The following PRKCH variants were observed in gnomAD, a reference collection of about 807,000 sequenced individuals.
PRKCH encodes the protein protein kinase C eta, also known as protein kinase C eta type.
PRKCH carries 28 observed loss-of-function variants against 82.5 expected under a neutral mutation model. That is an observed-to-expected ratio of 0.34 (90% CI 0.25 to 0.47). PRKCH has a LOEUF of 0.47. Among genes scored for constraint, PRKCH ranks in the 20% least tolerant of loss-of-function variants. PRKCH has a pLI of 1.00. For missense variants in PRKCH, 705 were observed against 881.8 expected, an observed-to-expected ratio of 0.80 and a Z score of 2.54; for synonymous variants, 322 against 327.4, an observed-to-expected ratio of 0.98 and a Z score of 0.18.
intron 1 of PRKCH, among the ~76,000 whole-genome samples, chr14:61,218,051 G>A (rs1008354971): frequency 1.3e-5 from 2 of 152,050 alleles, no homozygotes; most frequent in African/African-American, 2.4e-5. Flanking sequence ...GACCCGGCGC[G>A]TTTCGTTCCC....
chr14:61,425,826 G>A (rs1357144298), intron 2 of PRKCH, among the ~76,000 whole-genome samples: 1 of 151,868 alleles, frequency 6.6e-6, no homozygotes, highest in Non-Finnish European at 1.5e-5. Flanking sequence ...CTAGAGACCT[G>A]GTGGGAGGTG....
At chr14:61,511,795 T>C (rs995248522) in intron 10 of PRKCH, among the ~76,000 whole-genome samples, 7 of 152,172 alleles carry the variant, frequency 4.6e-5, no homozygotes, top group African/African-American at 1.7e-4. Context: ...ACCACCTTTC[T>C]AGTCAGGAAT....
rs942460152 is a variant in PRKCH, at chr14:61,454,785, C to T, written c.960+1432C>T. On this transcript the variant is annotated intron_variant, in intron 7 of 13. Coordinates refer to ENST00000332981, the MANE Select transcript of PRKCH (RefSeq NM_006255.5). ...GTTGAGCCTTGGCTGCTTCCCAAGC[C>T]CATGTCTTACTGTTGCCTTCCTGGT... is the stretch of plus-strand genomic sequence containing the variant. 3.0e-4 allele frequency among the ~76,000 whole-genome samples: 45 copies of T among 152,254 alleles called. 1 individual carries two copies. The highest frequency in any genetic ancestry group is 3.4e-3 in the Middle Eastern group (1 of 294).
At chr14:61,272,504 C>T (rs1191692196) in intron 1 of PRKCH, among the ~76,000 whole-genome samples, 2 of 151,764 alleles carry the variant, frequency 1.3e-5, no homozygotes, top group Non-Finnish European at 2.9e-5. Flanking sequence ...CAGGCACACG[C>T]CACCACGGCC....
chr14:61,371,670 A>G (rs757075496), intron 1 of PRKCH, among the ~76,000 whole-genome samples: 12 of 151,980 alleles, frequency 7.9e-5, no homozygotes, highest in Non-Finnish European at 1.2e-4. Flanking sequence ...AAAACGACCT[A>G]TCACTGTTGA....
At chr14:61,450,155 G>A (rs1408607889) in intron 5 of PRKCH, among the ~76,000 whole-genome samples, 1 of 152,118 alleles carries the variant, frequency 6.6e-6, no homozygotes, top group Admixed American at 6.6e-5. Flanking sequence ...CAAGAAAGAG[G>A]CCATAAAAGT....
chr14:61,302,260 G>C (rs2140104847), intron 1 of PRKCH, among the ~76,000 whole-genome samples: 1 of 152,202 alleles, frequency 6.6e-6, no homozygotes, highest in Middle Eastern at 3.4e-3. Flanking sequence ...GCAAATTATA[G>C]GCTGTGAAGC....
At chr14:61,217,977 T>G (rs1475039610) in intron 1 of PRKCH, among the ~76,000 whole-genome samples, 1 of 152,212 alleles carries the variant, frequency 6.6e-6, no homozygotes. Context: ...TTATCTTCTG[T>G]TTATTTCTCT....
At chr14:61,409,652 G>T (rs946377661) in intron 2 of PRKCH, among the ~76,000 whole-genome samples, 6 of 136,280 alleles carry the variant, frequency 4.4e-5, no homozygotes, top group African/African-American at 1.7e-4. Context: ...CCATGATTGT[G>T]CCACTGTGCT....
chr14:61,346,903 G>A (rs1478707996), intron 1 of PRKCH, among the ~76,000 whole-genome samples: 1 of 152,176 alleles, frequency 6.6e-6, no homozygotes, highest in Admixed American at 6.5e-5. Context: ...AAGCATTATA[G>A]TTTTTCACAT....
At chr14:61,311,760 A>G (rs2045526526) in intron 1 of PRKCH, among the ~76,000 whole-genome samples, 1 of 152,270 alleles carries the variant, frequency 6.6e-6, no homozygotes. Context: ...CGGTTGGTGC[A>G]AAGTAATTGT....
intron 2 of PRKCH, among the ~76,000 whole-genome samples, chr14:61,422,286 T>A (rs1882877427): frequency 6.6e-6 from 1 of 152,160 alleles, no homozygotes; most frequent in South Asian, 2.1e-4. Context: ...GGTCTCTCTA[T>A]GTTGCCCAGG....
chr14:61,458,099 G>T (rs181598198), intron 9 of PRKCH, among the ~76,000 whole-genome samples: 45 of 152,368 alleles, frequency 3.0e-4, no homozygotes, highest in African/African-American at 7.9e-4. Flanking sequence ...TAGAAGAGGG[G>T]TCTGAGAGGA....
At chr14:61,421,892 A>G (rs1313137425) in intron 2 of PRKCH, among the ~76,000 whole-genome samples, 1 of 152,196 alleles carries the variant, frequency 6.6e-6, no homozygotes, top group Non-Finnish European at 1.5e-5. Flanking sequence ...AGGCATCTCC[A>G]AAGTAAGTCA....
At chr14:61,446,579 A>C (rs570867379) in intron 4 of PRKCH, among the ~76,000 whole-genome samples, 47 of 152,368 alleles carry the variant, frequency 3.1e-4, no homozygotes, top group South Asian at 1.4e-3. Context: ...TGAATAAGAC[A>C]TACTCTTGGA....
chr14:61,212,894 G>A (rs2044592790), intron 1 of PRKCH, among the ~76,000 whole-genome samples: 1 of 152,192 alleles, frequency 6.6e-6, no homozygotes, highest in South Asian at 2.1e-4. Flanking sequence ...ACATTTTCCA[G>A]TTGTCTCAGA....
intron 7 of PRKCH, chr14:61,456,747 T>G (rs1430408176): frequency 6.5e-6 from 1 of 154,456 alleles, no homozygotes; most frequent in East Asian, 1.9e-4. Context: ...AAAACGTTGC[T>G]TCATTCGTGT....
intron 1 of PRKCH, among the ~76,000 whole-genome samples, chr14:61,358,573 G>A (rs758109753): frequency 1.3e-5 from 2 of 152,058 alleles, no homozygotes; most frequent in Non-Finnish European, 2.9e-5. Flanking sequence ...CCTCCTTTAT[G>A]TTCCTGTGAT....
intron 1 of PRKCH, among the ~76,000 whole-genome samples, chr14:61,337,740 G>C (rs952940421): frequency 6.6e-6 from 1 of 152,214 alleles, no homozygotes; most frequent in Non-Finnish European, 1.5e-5. Context: ...GGACTCATTT[G>C]AAGGTGATCA....
Sources: gnomAD v4.1 joint callset for allele counts (sites outside exome capture counted in the v4.1 genomes callset) on GRCh38, gnomAD v4.1.1 for gene constraint, MANE v1.5 for transcripts, NCBI Gene and HGNC (gene_info 2026-07-23, HGNC 2026-07-21) for gene names.